IGSF3: variants seen among roughly 807,000 people sequenced by gnomAD.
The protein encoded by IGSF3 is immunoglobulin superfamily member 3, also known as glu-Trp-Ile EWI motif-containing protein 3.
In IGSF3, 23 loss-of-function variants were observed where a neutral mutation model predicts 114.4. The ratio of observed to expected loss-of-function variants is 0.20; its 90% CI spans 0.14 to 0.28. The LOEUF is 0.28. Ranked by LOEUF, IGSF3 falls within the 10% of genes least tolerant of loss-of-function variation. The pLI is 1.00. For synonymous variants in IGSF3, 571 were observed against 645.2 expected (o/e 0.88, Z 1.74); for missense variants, 1,172 against 1,591.5 (o/e 0.74, Z 4.48).
In IGSF3 at chr1:116,655,434, C is replaced by T. The variant is rs991083400; in HGVS notation, c.43+10850G>A. On this transcript the variant is annotated intron_variant, in intron 2 of 10. Coordinates refer to ENST00000369486, the MANE Select transcript of IGSF3 (RefSeq NM_001007237.3). The surrounding 1 kb of genome is among the most constrained non-coding windows in gnomAD (Gnocchi z 4.3). ...GTCTAAAGGTGAGCCATCCAAGAAA[C>T]TGCTCTTGCTCCCAGAGGTTTTAAA... is the stretch of plus-strand genomic sequence containing the variant. 6.6e-6 allele frequency among the ~76,000 whole-genome samples: 1 copy of T among 152,250 alleles called. No homozygotes were observed. Among genetic ancestry groups the T allele is most frequent in the African/African-American group, 2.4e-5 (1 of 41,470 alleles).
Position 116,664,637 on chromosome 1 carries a change from A to T in IGSF3, c.43+1647T>A, listed in dbSNP as rs562146023. The stretch of plus-strand genomic sequence containing the variant: ...CAGACACTAAGCGAATGACACATAC[A>T]GTACAACAAATACAGATCCAATATG... On this transcript the variant is annotated intron_variant, in intron 2 of 10. Coordinates refer to ENST00000369486, the MANE Select transcript of IGSF3 (RefSeq NM_001007237.3). This position sits in a 1 kb window ranked among gnomAD's most constrained non-coding sequence, Gnocchi z 4.6. Among the ~76,000 whole-genome samples the T allele has an allele frequency of 6.6e-6, 1 of 152,348 alleles. No individual in the cohort carries two copies.
chr1:116,608,458 C>T, intron 4 of IGSF3, 127 bp from the exon 5 acceptor site: 1 of 737,420 alleles, frequency 1.4e-6, no homozygotes, highest in South Asian at 1.9e-5. Flanking sequence ...AGGACCACAG[C>T]ACTTAGCTTG....
At chr1:116,619,929 G>T (rs1661358177) in intron 2 of IGSF3, among the ~76,000 whole-genome samples, 1 of 151,944 alleles carries the variant, frequency 6.6e-6, no homozygotes, top group Non-Finnish European at 1.5e-5. Flanking sequence ...TGACAGGATG[G>T]CAAGTGATTT....
In IGSF3 at chr1:116,665,959, T is replaced by C. The variant is rs1649313718; in HGVS notation, c.43+325A>G. On this transcript the variant is annotated intron_variant, in intron 2 of 10. Coordinates refer to ENST00000369486, the MANE Select transcript of IGSF3 (RefSeq NM_001007237.3). This position sits in a 1 kb window ranked among gnomAD's most constrained non-coding sequence, Gnocchi z 4.0. ...AGTGAAAACACCAGAGCATCCATGT[T>C]TGACATGCTACAAGACAGCAGCCCA... 6.6e-6 allele frequency among the ~76,000 whole-genome samples: 1 copy of C among 152,130 alleles called. No homozygotes were observed. Among genetic ancestry groups the C allele is most frequent in the East Asian group, 1.9e-4 (1 of 5,198 alleles).
chr1:116,606,404 T>G, intron 5 of IGSF3: 1 of 1,591,556 alleles, frequency 6.3e-7, no homozygotes, highest in Non-Finnish European at 8.6e-7. Context: ...CAGAAGCACT[T>G]TGGTCTCTTA....
rs748802461 is a variant in IGSF3 at position 116,603,931 on chromosome 1, C to T, written c.1317G>A (p.Arg439=). Residue 439 remains arginine, a synonymous_variant, in exon 6 of 11, where the codon AGG becomes AGA. Coordinates refer to ENST00000369486, the MANE Select transcript of IGSF3 (RefSeq NM_001007237.3). This position sits in a 1 kb window ranked among gnomAD's most constrained non-coding sequence, Gnocchi z 7.1. The part of the protein sequence containing the change: ...RFSCSVRTAG[R]PQGRFSVIWQ... Reference sequence around the variant, plus strand: ...AGATGACAGAGAAGCGACCCTGCGGCCTGCCTGCCGTGCGGACACTGCAGG... The same window carrying T: ...AGATGACAGAGAAGCGACCCTGCGGTCTGCCTGCCGTGCGGACACTGCAGG... 5.0e-6 allele frequency: 8 copies of T among 1,613,994 alleles called. No individual in the cohort carries two copies. The Middle Eastern group carries it at 8.2e-4, about 166-fold the overall frequency.
chr1:116,615,850 T>A lies in IGSF3; in HGVS notation c.421+230A>T, dbSNP rs369482330. On this transcript the variant is annotated intron_variant, in intron 3 of 10. Transcript: ENST00000369486. The surrounding 1 kb of genome is among the most constrained non-coding windows in gnomAD (Gnocchi z 4.3). ...ACCAGTTACAGGGTTAGTTAACTTA[T>A]GAAATTCTTAACATCTGCATTAGAC... 1.3e-5 allele frequency among the ~76,000 whole-genome samples: 2 copies of A among 152,248 alleles called. No individual in the cohort carries two copies. Among genetic ancestry groups the A allele is most frequent in the African/African-American group, 2.4e-5 (1 of 41,458 alleles).
At position 116,637,204 on chromosome 1, in the gene IGSF3, T is replaced by C. The variant is rs116794492; in HGVS notation, c.44-20747A>G. The stretch of plus-strand genomic sequence containing the variant: ...TGCCTGTGGACATCCTGCGTGCAGA[T>C]AGATGCACATTCCCACTAATGGCAG... On this transcript the variant is annotated intron_variant, in intron 2 of 10. Transcript: ENST00000369486. Among the ~76,000 whole-genome samples the C allele has an allele frequency of 4.0e-3, 606 of 152,320 alleles. 2 individuals are homozygous for C. Among genetic ancestry groups the C allele is most frequent in the African/African-American group, 0.014 (578 of 41,566 alleles).
intron 7 of IGSF3, among the ~76,000 whole-genome samples, chr1:116,599,470 G>A (rs1660481057): frequency 6.6e-6 from 1 of 152,008 alleles, no homozygotes; most frequent in Non-Finnish European, 1.5e-5. Context: ...TAAAGAGACA[G>A]GATAACAAAT....
In IGSF3 at chr1:116,616,201, C is replaced by T. The variant is rs775220134; in HGVS notation, c.300G>A (p.Gly100=). The T allele has an allele frequency of 1.2e-4, 194 of 1,613,850 alleles. No individual in the cohort carries two copies. Among genetic ancestry groups the T allele is most frequent in the South Asian group, 3.1e-4 (28 of 91,074 alleles). Residue 100 remains glycine (G), a synonymous_variant, in exon 3 of 11, where the codon GGG becomes GGA. Transcript: ENST00000369486. This position sits in a 1 kb window ranked among gnomAD's most constrained non-coding sequence, Gnocchi z 6.6. ...CTGTGATGTGCAATAGGGTTGAGTT[C>T]CCCTGGACTCTTTCTATGAAGATCT... The part of the protein sequence containing the change: ...GGKIFIERVQ[G]NSTLLHITDL...
chr1:116,615,196 C>T lies in IGSF3; in HGVS notation c.421+884G>A, dbSNP rs1661171286. 1.3e-5 allele frequency among the ~76,000 whole-genome samples: 2 copies of T among 151,984 alleles called. No individual in the cohort carries two copies. Among genetic ancestry groups the T allele is most frequent in the African/African-American group, 4.8e-5 (2 of 41,354 alleles). On this transcript the variant is annotated intron_variant, in intron 3 of 10. Coordinates refer to ENST00000369486, the MANE Select transcript of IGSF3 (RefSeq NM_001007237.3). This position sits in a 1 kb window ranked among gnomAD's most constrained non-coding sequence, Gnocchi z 4.3. ...GGCTGAGGCAGAAGAATTGCTTGAA[C>T]CCGGGAGGTGGAGGTTGCAGTGAGC...
Position 116,615,002 on chromosome 1 carries a change from C to T in IGSF3, c.422-827G>A, listed in dbSNP as rs1661163611. ...GTCTCCTGCTGGGAACGGCCAAGTG[C>T]GGTGGCTCACACCTATAATCCCAAC... On this transcript the variant is annotated intron_variant, in intron 3 of 10. Coordinates refer to ENST00000369486, the MANE Select transcript of IGSF3 (RefSeq NM_001007237.3). This position sits in a 1 kb window ranked among gnomAD's most constrained non-coding sequence, Gnocchi z 4.3. Among the ~76,000 whole-genome samples, 1 of 151,762 alleles carries T rather than the reference C, an allele frequency of 6.6e-6. No homozygotes were observed. Among genetic ancestry groups the T allele is most frequent in the Non-Finnish European group, 1.5e-5 (1 of 67,904 alleles).
In IGSF3 at chr1:116,655,351, C is replaced by T. The variant is rs1162715425; in HGVS notation, c.43+10933G>A. Among the ~76,000 whole-genome samples, 1 of 152,216 alleles carries T rather than the reference C, an allele frequency of 6.6e-6. No individual in the cohort carries two copies. The highest frequency in any genetic ancestry group is 2.4e-5 in the African/African-American group (1 of 41,460). ...AACACTGATGTTTAAGAAGGGATGA[C>T]TATGACACATGAATCCCACAGCCAT... On this transcript the variant is annotated intron_variant, in intron 2 of 10. Transcript: ENST00000369486. This position sits in a 1 kb window ranked among gnomAD's most constrained non-coding sequence, Gnocchi z 4.3.
intron 2 of IGSF3, among the ~76,000 whole-genome samples, chr1:116,623,862 G>A (rs1042239285): frequency 6.6e-6 from 1 of 151,170 alleles, no homozygotes; most frequent in African/African-American, 2.4e-5. Flanking sequence ...GAGGCAGGTG[G>A]ATCACCTGAG....
rs1648499205 is a variant in IGSF3 at position 116,648,554 on chromosome 1, A to C, written c.43+17730T>G. On this transcript the variant is annotated intron_variant, in intron 2 of 10. Transcript: ENST00000369486. The surrounding 1 kb of genome is among the most constrained non-coding windows in gnomAD (Gnocchi z 4.7). ...AGCACTCACAAGGCCCTTTGCCCTT[A>C]GGAAAACACCATGATTCAGCCAGGC... Among the ~76,000 whole-genome samples the C allele has an allele frequency of 6.6e-6, 1 of 152,248 alleles. No individual in the cohort carries two copies. The highest frequency in any genetic ancestry group is 1.5e-5 in the Non-Finnish European group (1 of 68,044).
At chr1:116,617,596 T>C (rs1661271457) in intron 2 of IGSF3, among the ~76,000 whole-genome samples, 1 of 152,234 alleles carries the variant, frequency 6.6e-6, no homozygotes, top group Admixed American at 6.5e-5. Context: ...CTTTGTCACT[T>C]ATTAACTGTG....
intron 2 of IGSF3, among the ~76,000 whole-genome samples, chr1:116,619,366 G>A (rs890377736): frequency 8.5e-5 from 13 of 152,142 alleles, no homozygotes. Context: ...AGTGTTAAGT[G>A]GCCTGAATGA....
chr1:116,661,836 C>T lies in IGSF3; in HGVS notation c.43+4448G>A, dbSNP rs1649129193. On this transcript the variant is annotated intron_variant, in intron 2 of 10. Coordinates refer to ENST00000369486, the MANE Select transcript of IGSF3 (RefSeq NM_001007237.3). This position sits in a 1 kb window ranked among gnomAD's most constrained non-coding sequence, Gnocchi z 4.0. The stretch of plus-strand genomic sequence containing the variant: ...CCTTCTTTGCAGCTAAATATGGTCA[C>T]ATGACTAGGTTCTAGCCAATGAGAA... 6.6e-6 allele frequency among the ~76,000 whole-genome samples: 1 copy of T among 152,174 alleles called. No individual in the cohort carries two copies. Among genetic ancestry groups the T allele is most frequent in the African/African-American group, 2.4e-5 (1 of 41,436 alleles).
rs1661065319 is a variant in IGSF3 at position 116,612,616 on chromosome 1, G to C, written c.832+1149C>G. Among the ~76,000 whole-genome samples the C allele has an allele frequency of 6.6e-6, 1 of 152,236 alleles. No homozygotes were observed. The highest frequency in any genetic ancestry group is 2.1e-4 in the South Asian group (1 of 4,834). On this transcript the variant is annotated intron_variant, in intron 4 of 10. Transcript: ENST00000369486. This position sits in a 1 kb window ranked among gnomAD's most constrained non-coding sequence, Gnocchi z 4.1. Reference sequence around the variant, plus strand: ...CTGACTGCAGCAAATGGAACAGGGAGCCCAAGAGACAGGTCCTGACGAAGG... The same window carrying C: ...CTGACTGCAGCAAATGGAACAGGGACCCCAAGAGACAGGTCCTGACGAAGG...
Sources: allele counts gnomAD v4.1 joint callset (sites outside exome capture counted in the v4.1 genomes callset), GRCh38; gene constraint gnomAD v4.1.1; non-coding constraint Gnocchi (gnomAD v3.1); transcripts MANE v1.5; gene names NCBI Gene and HGNC (gene_info 2026-07-23, HGNC 2026-07-21).